The following HRH1 variants were observed in gnomAD, a reference collection of about 807,000 sequenced individuals.
HRH1 encodes the protein histamine H1 receptor.
In HRH1, 6 loss-of-function variants were observed where a neutral mutation model predicts 10.3. The ratio of observed to expected loss-of-function variants is 0.58; its 90% confidence interval spans 0.32 to 1.15. The LOEUF (loss-of-function observed/expected upper bound fraction) is 1.15, where lower values mean the gene tolerates loss of function less well. Among genes scored for constraint, HRH1 ranks in the 50% most tolerant of loss-of-function variants. The pLI, the probability that HRH1 is intolerant of heterozygous loss-of-function variation, is 0.05. For missense variants in HRH1, 514 were observed against 615.3 expected (o/e 0.84, Z 1.74); for synonymous variants, 242 against 236.7 (o/e 1.02, Z -0.21).
At chr3:11,143,623 G>A (rs1936339009) in intron 1 of HRH1, among the ~76,000 whole-genome samples, 1 of 152,174 alleles carries the variant, frequency 6.6e-6, no homozygotes. Context: ...GGCCTGCCTG[G>A]TCTAACCCCT....
At chr3:11,154,177 CCCTTCTGCCACCCCT>C (rs1011473701), upstream of HRH1, among the ~76,000 whole-genome samples, 7 of 152,294 alleles carry the variant, frequency 4.6e-5, 1 homozygote, top group East Asian at 1.2e-3. The surrounding 1 kb of genome is among the most constrained non-coding windows in gnomAD (Gnocchi z 4.4). Context: ...AAGGTTCTGA[CCCTTCTGCCACCCCT>C]CCTTCCAAAC....
intron 1 of HRH1, among the ~76,000 whole-genome samples, chr3:11,168,505 C>T (rs192285755): frequency 4.9e-4 from 75 of 152,320 alleles, no homozygotes; most frequent in African/African-American, 1.7e-3. Flanking sequence ...AGGTCTGTTT[C>T]GAAGGCAGGA....
intron 1 of HRH1, among the ~76,000 whole-genome samples, chr3:11,139,560 G>A (rs1036106578): frequency 1.3e-5 from 2 of 152,080 alleles, no homozygotes; most frequent in Non-Finnish European, 2.9e-5. Flanking sequence ...GATTTCAGGC[G>A]TGAGCCACCG....
chr3:11,256,416 T>C (rs1939783662), intron 1 of HRH1, among the ~76,000 whole-genome samples: 1 of 152,168 alleles, frequency 6.6e-6, no homozygotes, highest in Non-Finnish European at 1.5e-5. Flanking sequence ...CCCAAAATGG[T>C]GTTTTTCCAA....
In HRH1 at chr3:11,249,178, C is replaced by T. The variant is rs193217874; in HGVS notation, c.-35-9825C>T. 3.2e-3 allele frequency among the ~76,000 whole-genome samples: 494 copies of T among 152,042 alleles called. 3 individuals carry two copies. Among genetic ancestry groups the T allele is most frequent in the African/African-American group, 0.011 (473 of 41,458 alleles). ...TTGGGAGGCCAAGGCAGGTGGATCA[C>T]GAGGTCAGGAGATCCAGACCATCCT... On this transcript the variant is annotated intron_variant, in intron 1 of 1. Transcript: ENST00000431010.
At chr3:11,179,483 G>A (rs1241634833) in intron 1 of HRH1, among the ~76,000 whole-genome samples, 2 of 151,510 alleles carry the variant, frequency 1.3e-5, no homozygotes, top group Non-Finnish European at 2.9e-5. Flanking sequence ...AGCTGGGCGT[G>A]GTGGCGGGCG....
chr3:11,231,140 C>T (rs933126901), intron 1 of HRH1, among the ~76,000 whole-genome samples: 8 of 152,180 alleles, frequency 5.3e-5, no homozygotes, highest in African/African-American at 1.9e-4. Context: ...TCACATAATT[C>T]TCTGGAGACT....
At chr3:11,177,150 C>A (rs1181761367) in intron 1 of HRH1, among the ~76,000 whole-genome samples, 1 of 151,778 alleles carries the variant, frequency 6.6e-6, no homozygotes, top group Non-Finnish European at 1.5e-5. Flanking sequence ...CCTATAATCC[C>A]AGCATTCAGG....
At chr3:11,163,065 A>C (rs1435386813) in intron 1 of HRH1, among the ~76,000 whole-genome samples, 2 of 152,092 alleles carry the variant, frequency 1.3e-5, no homozygotes, top group East Asian at 1.9e-4. Context: ...GTTGGGAAGG[A>C]GATCCTGAGA....
chr3:11,188,923 T>C (rs1937496649), intron 1 of HRH1, among the ~76,000 whole-genome samples: 1 of 152,256 alleles, frequency 6.6e-6, no homozygotes, highest in South Asian at 2.1e-4. Context: ...CTGAAGTGCT[T>C]CCTGAAGACA....
At chr3:11,253,651 C>A (rs985944406) in intron 1 of HRH1, among the ~76,000 whole-genome samples, 1 of 152,194 alleles carries the variant, frequency 6.6e-6, no homozygotes, top group East Asian at 1.9e-4. Context: ...CCTAAGGTCT[C>A]TCATATTTCC....
chr3:11,189,215 T>C (rs1431703503), intron 1 of HRH1, among the ~76,000 whole-genome samples: 1 of 152,106 alleles, frequency 6.6e-6, no homozygotes, highest in Non-Finnish European at 1.5e-5. Flanking sequence ...CTCAGACTAA[T>C]GTATTACCCT....
Position 11,260,217 on chromosome 3 carries a change from C to A in HRH1, c.1180C>A (p.Leu394Ile). ...TTACATCAAGTTTACTTGGAAGAGG[C>A]TCCGCTCGCATTCAAGACAGTATGT... ...LDYIKFTWKR[L>I]RSHSRQYVSG... Residue 394 changes from leucine (L) to isoleucine (I), a missense_variant, in exon 2 of 2, where the codon CTC becomes ATC. Leu to Ile is a conservative substitution (Grantham distance 5, BLOSUM62 2). Coordinates refer to ENST00000431010, the MANE Select transcript of HRH1 (RefSeq NM_001098212.2). 1 of 1,614,068 alleles carries A rather than the reference C, an allele frequency of 6.2e-7. No individual in the cohort carries two copies.
At chr3:11,212,831 C>T (rs1284670130) in intron 1 of HRH1, among the ~76,000 whole-genome samples, 1 of 138,190 alleles carries the variant, frequency 7.2e-6, no homozygotes, top group African/African-American at 2.4e-5. Flanking sequence ...CGAGGCCCTC[C>T]GTGATCTAAC....
In HRH1 at chr3:11,261,263, G is replaced by A. The variant is rs548147213; in HGVS notation, c.*762G>A. 2 of 167,160 alleles carry A rather than the reference G, an allele frequency of 1.2e-5. No individual in the cohort carries two copies. Among genetic ancestry groups the A allele is most frequent in the South Asian group, 2.1e-4 (1 of 4,828 alleles). 10.4% of individuals were successfully genotyped at this position (167,160 alleles called of 1,614,324 possible). Reference sequence around the variant, plus strand: ...TGGCAAAAGACATCCTCAAAAGAAAGAGAAATGAAATATTTTTGAATGGTT... The same window carrying A: ...TGGCAAAAGACATCCTCAAAAGAAAAAGAAATGAAATATTTTTGAATGGTT... On this transcript the variant is annotated 3_prime_UTR_variant, in exon 2 of 2. Coordinates refer to ENST00000431010, the MANE Select transcript of HRH1 (RefSeq NM_001098212.2).
intron 1 of HRH1, among the ~76,000 whole-genome samples, chr3:11,166,790 A>G (rs1937045308): frequency 1.4e-5 from 2 of 140,460 alleles, no homozygotes; most frequent in Non-Finnish European, 3.1e-5. Context: ...CAGGCCCATG[A>G]CATCTCCTGT....
intron 1 of HRH1, among the ~76,000 whole-genome samples, chr3:11,204,715 T>C (rs1267287975): frequency 1.3e-5 from 2 of 152,164 alleles, no homozygotes; most frequent in Admixed American, 6.5e-5. Flanking sequence ...ATAGTAAATG[T>C]TATCACCATC....
intron 1 of HRH1, among the ~76,000 whole-genome samples, chr3:11,232,783 A>G (rs1939076865): frequency 6.6e-6 from 1 of 152,196 alleles, no homozygotes. Context: ...ATTTATTTAC[A>G]TCTTTGATTT....
At chr3:11,165,422 G>C (rs1023518606) in intron 1 of HRH1, among the ~76,000 whole-genome samples, 1 of 152,118 alleles carries the variant, frequency 6.6e-6, no homozygotes, top group East Asian at 1.9e-4. Flanking sequence ...ACTAATCCTT[G>C]AGTTTCTGAT....
Sources: gnomAD v4.1 joint callset for allele counts (sites outside exome capture counted in the v4.1 genomes callset) on GRCh38, gnomAD v4.1.1 for gene constraint, Gnocchi (gnomAD v3.1) non-coding constraint, MANE v1.5 for transcripts, NCBI Gene and HGNC (gene_info 2026-07-23, HGNC 2026-07-21) for gene names.